OR52N1: variants seen among roughly 807,000 people sequenced by gnomAD.
OR52N1 encodes olfactory receptor family 52 subfamily N member 1, also known as olfactory receptor 52N1.
OR52N1 carries 11 observed loss-of-function variants against 13.9 expected under a neutral mutation model. That is an observed-to-expected ratio of 0.79 (90% CI 0.50 to 1.31). OR52N1 has a LOEUF of 1.31. Among genes scored for constraint, OR52N1 ranks in the 40% most tolerant of loss-of-function variants. OR52N1 has a pLI of 0.00. For synonymous variants in OR52N1, 142 were observed against 143.7 expected (o/e 0.99, Z 0.08); for missense variants, 414 against 397.7 (o/e 1.04, Z -0.35).
At chr11:5,789,152 T>C (rs1045127176) in intron 1 of OR52N1, among the ~76,000 whole-genome samples, 7 of 152,192 alleles carry the variant, frequency 4.6e-5, no homozygotes, top group African/African-American at 1.4e-4. Context: ...TGGTCAAGAA[T>C]TGATTAAATA....
rs141998525 is a variant in OR52N1, at chr11:5,788,384, T to C, written c.433A>G (p.Lys145Glu). ...CTAAGAAAAGTGAGGAACCCAGCTT[T>C]AGCAATGACTGAATTAGTGAGGATG... Reference protein sequence around the residue: ...ATILTNSVIAKAGFLTFLRGV... With the variant: ...ATILTNSVIAEAGFLTFLRGV... The change falls in exon 2 of 2, where the codon AAA becomes GAA. Residue 145 changes from lysine (K) to glutamate (E), a missense_variant. By Grantham distance (56) the Lys-to-Glu change is moderately conservative. Transcript: ENST00000641645. 68 of 1,613,854 alleles carry C rather than the reference T, an allele frequency of 4.2e-5. No individual in the cohort carries two copies. The highest frequency in any genetic ancestry group is 5.1e-5 in the Non-Finnish European group (60 of 1,179,984).
At chr11:5,789,676 C>T (rs1303181560) in intron 1 of OR52N1, among the ~76,000 whole-genome samples, 1 of 152,092 alleles carries the variant, frequency 6.6e-6, no homozygotes, top group Non-Finnish European at 1.5e-5. Flanking sequence ...CATATCAAAA[C>T]TTCAGCCATA....
At chr11:5,789,357 T>C (rs1854632204) in intron 1 of OR52N1, among the ~76,000 whole-genome samples, 1 of 152,136 alleles carries the variant, frequency 6.6e-6, no homozygotes, top group African/African-American at 2.4e-5. Context: ...CAGAAAAATA[T>C]GAATCATCCC....
chr11:5,791,209 T>C lies in OR52N1; in HGVS notation c.-143A>G, dbSNP rs1854656949. On this transcript the variant is annotated 5_prime_UTR_variant, in exon 1 of 2. Coordinates refer to ENST00000641645, the MANE Select transcript of OR52N1 (RefSeq NM_001001913.2). Reference sequence around the variant, plus strand: ...TCCTCTTGGTCCTGAAGGAGAAATATAATACCTACATTGAGACCTTGGGAG... The same window carrying C: ...TCCTCTTGGTCCTGAAGGAGAAATACAATACCTACATTGAGACCTTGGGAG... 6.6e-6 allele frequency: 1 copy of C among 152,014 alleles called. No individual in the cohort carries two copies. Among genetic ancestry groups the C allele is most frequent in the Admixed American group, 6.6e-5 (1 of 15,244 alleles). The allele number at this position is 152,014 out of a possible 1,614,324, so 9.4% of individuals were successfully genotyped here.
Position 5,788,345 on chromosome 11 carries a change from C to T in OR52N1, c.472G>A (p.Val158Ile). ...TTGGTGAGGAAAGTGGAAGGGATAA[C>T]AAGCATCACACCCCTAAGAAAAGTG... ...FLTFLRGVMLVIPSTFLTKRL... is the reference protein window; with the variant it reads ...FLTFLRGVMLIIPSTFLTKRL... Residue 158 changes from valine to isoleucine, a missense_variant, in exon 2 of 2, where the codon GTT (valine) becomes ATT (isoleucine). Physicochemically the swap from Val to Ile is conservative, Grantham distance 29. Coordinates refer to ENST00000641645, the MANE Select transcript of OR52N1 (RefSeq NM_001001913.2). 1 of 1,613,970 alleles carries T rather than the reference C, an allele frequency of 6.2e-7. No homozygotes were observed. The highest frequency in any genetic ancestry group is 2.2e-5 in the East Asian group (1 of 44,808).
Position 5,788,860 on chromosome 11 carries a change from T to C in OR52N1, c.-44A>G. On this transcript the variant is annotated splice_region_variant and 5_prime_UTR_variant, in exon 2 of 2. Transcript: ENST00000641645. ...ATTGTATAGCAGTTATAGCATTGCCTCTGTGAGCAGGAAATAAAAAAAAGA... is the reference window on the plus strand; with the variant it reads ...ATTGTATAGCAGTTATAGCATTGCCCCTGTGAGCAGGAAATAAAAAAAAGA... 6.8e-7 allele frequency: 1 copy of C among 1,464,584 alleles called. No homozygotes were observed. The highest frequency in any genetic ancestry group is 8.9e-7 in the Non-Finnish European group (1 of 1,118,074). The allele number at this position is 1,464,584 out of a possible 1,614,324, so 90.7% of individuals were successfully genotyped here.
chr11:5,788,833 T>C lies in OR52N1; in HGVS notation c.-17A>G, dbSNP rs1359322069. On this transcript the variant is annotated 5_prime_UTR_variant, in exon 2 of 2. Coordinates refer to ENST00000641645, the MANE Select transcript of OR52N1 (RefSeq NM_001001913.2). ...AAATGACATAATGACTGTTGGAAGT[T>C]CATTGTATAGCAGTTATAGCATTGC... 7 of 1,588,338 alleles carry C rather than the reference T, an allele frequency of 4.4e-6. No individual in the cohort carries two copies. The highest frequency in any genetic ancestry group is 6.0e-6 in the Non-Finnish European group (7 of 1,173,056).
rs1405499928 is a variant in OR52N1 at position 5,788,742 on chromosome 11, C to T, written c.75G>A (p.Val25=). 2.5e-6 allele frequency: 4 copies of T among 1,612,554 alleles called. No individual in the cohort carries two copies. Among genetic ancestry groups the T allele is most frequent in the African/African-American group, 2.7e-5 (2 of 74,896 alleles). The change falls in exon 2 of 2, where the codon GTG becomes GTA. Residue 25 remains valine, a synonymous_variant. Coordinates refer to ENST00000641645, the MANE Select transcript of OR52N1 (RefSeq NM_001001913.2). The part of the protein sequence containing the change: ...ILNGIPGLED[V]HLWISFPLCT... ...ACAGTGGGAAGGAGATCCACAAATG[C>T]ACATCTTCCAAACCAGGGATGCCAT...
In OR52N1 at chr11:5,787,702, T is replaced by C. The variant is rs1264935471; in HGVS notation, c.*152A>G. On this transcript the variant is annotated 3_prime_UTR_variant, in exon 2 of 2. Transcript: ENST00000641645. ...TAACATAAGAGAGGGTATTTACCTATTTGAACATGATGGTACCCTTTCCAA... is the reference window on the plus strand; with the variant it reads ...TAACATAAGAGAGGGTATTTACCTACTTGAACATGATGGTACCCTTTCCAA... 3 of 703,502 alleles carry C rather than the reference T, an allele frequency of 4.3e-6. No homozygotes were observed. The highest frequency in any genetic ancestry group is 3.7e-5 in the African/African-American group (2 of 53,356). The allele number at this position is 703,502 out of a possible 1,614,324, so 43.6% of individuals were successfully genotyped here. A position where few individuals can be genotyped will look rare whatever the true frequency, so the allele number is the denominator to read the frequency against.
chr11:5,788,964 A>G (rs1341738941), intron 1 of OR52N1, 104 bp from the exon 2 acceptor site: 4 of 805,526 alleles, frequency 5.0e-6, no homozygotes, highest in Non-Finnish European at 7.7e-6. Flanking sequence ...CAATGACTAT[A>G]TTTGTTCTAT....
At position 5,790,893 on chromosome 11, in the gene OR52N1, T is replaced by G. The variant is rs1377415210; in HGVS notation, c.-45+218A>C. Among the ~76,000 whole-genome samples the G allele has an allele frequency of 4.6e-5, 7 of 152,180 alleles. No individual in the cohort carries two copies. In the East Asian group the frequency reaches 1.4e-3, roughly 29 times the overall value. Reference sequence around the variant, plus strand: ...TTCTCCTATCCTGTAGGCTGTCTGTTTACTCTGTTGATAGTTTCTTTTGCT... The same window carrying G: ...TTCTCCTATCCTGTAGGCTGTCTGTGTACTCTGTTGATAGTTTCTTTTGCT... On this transcript the variant is annotated intron_variant, in intron 1 of 1. Transcript: ENST00000641645.
In OR52N1 at chr11:5,788,636, T is replaced by C. The variant is rs149066849; in HGVS notation, c.181A>G (p.Met61Val). The change falls in exon 2 of 2, where the codon ATG becomes GTG. Residue 61 changes from methionine to valine, a missense_variant. Coordinates refer to ENST00000641645, the MANE Select transcript of OR52N1 (RefSeq NM_001001913.2). ...GAAAGAAGGGCAAGGAAGACATACA[T>C]AGGTCTGTGTAAGGCCTCATCACAG... is the stretch of plus-strand genomic sequence containing the variant. ...IYCDEALHRPMYVFLALLSFT... is the reference protein window; with the variant it reads ...IYCDEALHRPVYVFLALLSFT... 234 of 1,614,008 alleles carry C rather than the reference T, an allele frequency of 1.4e-4. 1 individual carries two copies. In the African/African-American group the frequency reaches 2.7e-3, roughly 19 times the overall value.
Position 5,788,116 on chromosome 11 carries a change from T to C in OR52N1, c.701A>G (p.Asp234Gly). ...LQAVVSLSSA[D>G]ARQKAFSTCT... Reference sequence around the variant, plus strand: ...GGTGCTGAAGGCCTTCTGTCGAGCATCTGCTGATGATAGACTCACAACTGC... The same window carrying C: ...GGTGCTGAAGGCCTTCTGTCGAGCACCTGCTGATGATAGACTCACAACTGC... Residue 234 changes from aspartate (D) to glycine (G), a missense_variant, in exon 2 of 2, where the codon GAT (aspartate) becomes GGT (glycine). By Grantham distance (94) the Asp-to-Gly change is moderately conservative (BLOSUM62 -1). Transcript: ENST00000641645. 1 of 1,614,022 alleles carries C rather than the reference T, an allele frequency of 6.2e-7. No homozygotes were observed. The highest frequency in any genetic ancestry group is 1.1e-5 in the South Asian group (1 of 91,088).
intron 1 of OR52N1, among the ~76,000 whole-genome samples, 200 bp from the exon 2 acceptor site, chr11:5,789,060 A>C (rs1388716227): frequency 6.6e-6 from 1 of 152,176 alleles, no homozygotes; most frequent in Admixed American, 6.6e-5. Flanking sequence ...TAGTCAGTAC[A>C]TTTGGACCTG....
At position 5,788,783 on chromosome 11, in the gene OR52N1, CT is replaced by C. The variant is rs1398086196; in HGVS notation, c.33del (p.Ala12LeufsTer5). On this transcript the variant is annotated frameshift_variant, in exon 2 of 2. Transcript: ENST00000641645. LOFTEE classifies it high-confidence loss of function. The part of the protein sequence containing the change: MSFLNGTSLT[P>X]ASFILNGIPG... ...GGGATGCCATTTAGGATGAATGAAG[CT>C]GGAGTTAGGCTGGTGCCATTTAGAA... 2.5e-6 allele frequency: 4 copies of C among 1,607,756 alleles called. No homozygotes were observed. In the Admixed American group the frequency reaches 6.7e-5, roughly 27 times the overall value.
At chr11:5,788,907 C>CCAT (rs1854628449) in intron 1 of OR52N1, 47 bp from the exon 2 acceptor site, 6 of 1,356,966 alleles carry the variant, frequency 4.4e-6, no homozygotes, top group Non-Finnish European at 6.0e-6. Context: ...GAGTGACTGA[C>CCAT]CATCAGTCTT....
chr11:5,789,065 G>A (rs1162697280), intron 1 of OR52N1, among the ~76,000 whole-genome samples: 1 of 152,082 alleles, frequency 6.6e-6, no homozygotes, highest in Admixed American at 6.6e-5. Context: ...AGTACATTTG[G>A]ACCTGAATAT....
rs116185878 is a variant in OR52N1, at chr11:5,790,804, T to C, written c.-45+307A>G. ...TTTTTAATAGGTTGTTTTTTTCTTCTAAATTTAAGTTCCTTAAAGATCTGG... is the reference window on the plus strand; with the variant it reads ...TTTTTAATAGGTTGTTTTTTTCTTCCAAATTTAAGTTCCTTAAAGATCTGG... On this transcript the variant is annotated intron_variant, in intron 1 of 1. Transcript: ENST00000641645. 2.4e-3 allele frequency among the ~76,000 whole-genome samples: 369 copies of C among 152,220 alleles called. 2 individuals are homozygous for C. The highest frequency in any genetic ancestry group is 8.5e-3 in the African/African-American group (355 of 41,566).
intron 1 of OR52N1, among the ~76,000 whole-genome samples, chr11:5,790,158 T>C (rs567787809): frequency 6.6e-6 from 1 of 152,220 alleles, no homozygotes; most frequent in East Asian, 1.9e-4. Context: ...TTCAGGGATG[T>C]CACTATTGAA....
Sources: allele counts gnomAD v4.1 joint callset (sites outside exome capture counted in the v4.1 genomes callset), GRCh38; gene constraint gnomAD v4.1.1; transcripts MANE v1.5; gene names NCBI Gene and HGNC (gene_info 2026-07-23, HGNC 2026-07-21).